Variants in DNM3 observed in about 807,000 individuals in gnomAD.
DNM3 encodes dynamin-3.
A neutral mutation model predicts 101.6 loss-of-function variants in DNM3; 47 were observed. The observed-to-expected ratio is 0.46, with a 90% CI of 0.37 to 0.59. The LOEUF (loss-of-function observed/expected upper bound fraction) is 0.59, where lower values mean the gene tolerates loss of function less well. Ranked by LOEUF, DNM3 falls within the 20% of genes least tolerant of loss-of-function variation. DNM3 has a pLI of 0.00. For missense variants in DNM3, 849 were observed against 1,085.7 expected, an observed-to-expected ratio of 0.78 and a Z score of 3.06; for synonymous variants, 385 against 387.9, an observed-to-expected ratio of 0.99 and a Z score of 0.09.
In DNM3 at chr1:172,387,200, T is replaced by G. The variant is rs749086654; in HGVS notation, c.2126T>G (p.Met709Arg). 1 of 1,614,014 alleles carries G rather than the reference T, an allele frequency of 6.2e-7. No homozygotes were observed. The highest frequency in any genetic ancestry group is 8.5e-7 in the Non-Finnish European group (1 of 1,179,878). ...LYSSEDQNTL[M>R]EESAEQAQRR... ...TCTTCAGAGGACCAAAATACCCTGA[T>G]GGAGGAATCTGCTGAGCAGGCTCAG... The change falls in exon 19 of 21, where the codon ATG (methionine) becomes AGG (arginine). Residue 709 changes from methionine (M) to arginine (R), a missense_variant. By Grantham distance (91) the Met-to-Arg change is moderately conservative. Around this residue, in one of 5 missense-constraint regions of DNM3, gnomAD observed 256 missense variants for 311.7 expected, o/e 0.82. Transcript: ENST00000627582.
At chr1:172,023,691 G>T (rs1289187779) in intron 4 of DNM3, among the ~76,000 whole-genome samples, 1 of 151,910 alleles carries the variant, frequency 6.6e-6, no homozygotes, top group Non-Finnish European at 1.5e-5. Flanking sequence ...TGTTGAGTTT[G>T]TTCAATCCAT....
At chr1:172,209,230 G>T (rs981848542) in intron 14 of DNM3, among the ~76,000 whole-genome samples, 1 of 151,922 alleles carries the variant, frequency 6.6e-6, no homozygotes, top group Non-Finnish European at 1.5e-5. Context: ...ACCCTGTGAG[G>T]GCACAGCAAG....
chr1:171,874,691 C>G (rs2035595226), intron 1 of DNM3, among the ~76,000 whole-genome samples: 1 of 151,970 alleles, frequency 6.6e-6, no homozygotes, highest in African/African-American at 2.4e-5. Context: ...GATCAGGGGG[C>G]ATATATGCAC....
intron 10 of DNM3, among the ~76,000 whole-genome samples, chr1:172,057,162 C>T (rs9661843): frequency 0.29 from 44,644 of 151,782 alleles, 7,965 homozygotes; most frequent in Non-Finnish European, 0.38. Flanking sequence ...TAAAAAGAAA[C>T]GAGCAAAGCC....
Position 171,872,785 on chromosome 1 carries a change from G to GT in DNM3, c.161+30971dup, listed in dbSNP as rs1242116706. On this transcript the variant is annotated intron_variant, in intron 1 of 20. Transcript: ENST00000627582. The stretch of plus-strand genomic sequence containing the variant: ...AGAAGGTCCTTCTTTCTGAAGAAAT[G>GT]TTTGTTTTTTTTTAATTCAGGTCCA... 1.7e-3 allele frequency among the ~76,000 whole-genome samples: 252 copies of GT among 145,912 alleles called. 1 individual carries two copies. In the South Asian group the frequency reaches 0.022, roughly 13 times the overall value.
intron 13 of DNM3, among the ~76,000 whole-genome samples, chr1:172,117,211 A>G (rs2055970731): frequency 6.6e-6 from 1 of 152,110 alleles, no homozygotes; most frequent in Non-Finnish European, 1.5e-5. Flanking sequence ...ATCTCAAAAA[A>G]AAAAAAAAGT....
intron 1 of DNM3, among the ~76,000 whole-genome samples, chr1:171,853,107 G>A (rs1350234155): frequency 6.6e-6 from 1 of 152,112 alleles, no homozygotes; most frequent in Admixed American, 6.5e-5. Flanking sequence ...ACTCTCTCCT[G>A]GAATGGCTAA....
chr1:171,864,927 A>G (rs1045312377), intron 1 of DNM3, among the ~76,000 whole-genome samples: 1 of 152,052 alleles, frequency 6.6e-6, no homozygotes, highest in African/African-American at 2.4e-5. Context: ...GTGAGGCTAA[A>G]TTGTTTTGTA....
At chr1:172,174,767 A>G (rs1041216454) in intron 14 of DNM3, among the ~76,000 whole-genome samples, 3 of 151,730 alleles carry the variant, frequency 2.0e-5, no homozygotes, top group African/African-American at 7.2e-5. Flanking sequence ...ATATTTTCAC[A>G]AATGGGTGAA....
chr1:172,342,097 AT>A (rs2066714671), intron 17 of DNM3, among the ~76,000 whole-genome samples: 1 of 152,184 alleles, frequency 6.6e-6, no homozygotes, highest in Admixed American at 6.6e-5. Flanking sequence ...TATTAAAAAA[AT>A]AAAAAAATAG....
At chr1:171,885,142 T>C (rs1223978928) in intron 1 of DNM3, among the ~76,000 whole-genome samples, 1 of 152,158 alleles carries the variant, frequency 6.6e-6, no homozygotes, top group African/African-American at 2.4e-5. Flanking sequence ...TCTTAGATGC[T>C]GAGCTTTAAG....
chr1:172,344,936 C>T (rs2066862323), intron 17 of DNM3, among the ~76,000 whole-genome samples: 1 of 152,166 alleles, frequency 6.6e-6, no homozygotes, highest in Non-Finnish European at 1.5e-5. Context: ...AAGAAGCATT[C>T]TATTAATTGT....
intron 15 of DNM3, among the ~76,000 whole-genome samples, chr1:172,263,592 C>T (rs2062747959): frequency 6.6e-6 from 1 of 152,198 alleles, no homozygotes; most frequent in Admixed American, 6.5e-5. Context: ...ACACATCTTA[C>T]ATGGTGGCAG....
chr1:172,013,110 C>G (rs2047229946), intron 4 of DNM3, among the ~76,000 whole-genome samples: 1 of 152,052 alleles, frequency 6.6e-6, no homozygotes, highest in East Asian at 1.9e-4. Flanking sequence ...TTTATATTAA[C>G]TCTATATTGA....
At chr1:171,862,600 A>G (rs2034293256) in intron 1 of DNM3, among the ~76,000 whole-genome samples, 2 of 152,132 alleles carry the variant, frequency 1.3e-5, no homozygotes, top group Admixed American at 6.6e-5. Context: ...GAGAATGACT[A>G]CTAATGGGTA....
At chr1:172,368,208 T>C (rs982497539) in intron 17 of DNM3, among the ~76,000 whole-genome samples, 11 of 151,928 alleles carry the variant, frequency 7.2e-5, no homozygotes, top group African/African-American at 1.9e-4. Context: ...TGCCCCCGGA[T>C]AGATCATATG....
chr1:171,998,823 C>T (rs2046179930), intron 4 of DNM3, among the ~76,000 whole-genome samples: 1 of 152,038 alleles, frequency 6.6e-6, no homozygotes, highest in Non-Finnish European at 1.5e-5. Flanking sequence ...CTGTGACCAT[C>T]TGGAAGAAGA....
In DNM3 at chr1:172,057,798, A is replaced by G. The variant is rs191352252; in HGVS notation, c.1335+9048A>G. On this transcript the variant is annotated intron_variant, in intron 10 of 20. Transcript: ENST00000627582. ...GAAACTGCATCAACTAACGAGCAAAATAACCAGCTATCATCATAATGACAG... is the reference window on the plus strand; with the variant it reads ...GAAACTGCATCAACTAACGAGCAAAGTAACCAGCTATCATCATAATGACAG... Among the ~76,000 whole-genome samples the G allele has an allele frequency of 2.5e-4, 38 of 151,524 alleles. No homozygotes were observed. In the East Asian group the frequency reaches 3.3e-3, roughly 13 times the overall value.
chr1:172,314,123 T>C (rs948089047), intron 16 of DNM3, among the ~76,000 whole-genome samples: 2 of 152,044 alleles, frequency 1.3e-5, no homozygotes, highest in Admixed American at 1.3e-4. Flanking sequence ...ACCCAAAGGA[T>C]TATAAATAAT....
Sources: gnomAD v4.1 joint callset for allele counts (sites outside exome capture counted in the v4.1 genomes callset) on GRCh38, gnomAD v4.1.1 for gene constraint, gnomAD v4.1.1 regional missense constraint, MANE v1.5 for transcripts, NCBI Gene and HGNC (gene_info 2026-07-23, HGNC 2026-07-21) for gene names.